Variants in FST observed in about 807,000 individuals in gnomAD.
The protein encoded by FST is follistatin, also known as activin-binding protein.
FST carries 6 observed loss-of-function variants against 38.4 expected under a neutral mutation model. The ratio of observed to expected loss-of-function variants is 0.16; its 90% CI spans 0.09 to 0.31. The LOEUF (loss-of-function observed/expected upper bound fraction) is 0.31, where lower values mean the gene tolerates loss of function less well. Among genes scored for constraint, FST ranks in the 10% least tolerant of loss-of-function variants. The probability of loss-of-function intolerance (pLI) is 1.00; values close to 1 mark genes in which losing one functional copy is unlikely to be tolerated. For synonymous variants in FST, 157 were observed against 169.8 expected (o/e 0.92, Z 0.59); for missense variants, 301 against 432.3 (o/e 0.70, Z 2.69).
intron 1 of FST, 33 bp from the exon 2 acceptor site, chr5:53,482,847 C>T: frequency 6.9e-7 from 1 of 1,450,038 alleles, no homozygotes; most frequent in Non-Finnish European, 9.5e-7. Context: ...TCACTGCTCA[C>T]TCACCCACCT....
At chr5:53,481,070 C>T (rs1747173191) in intron 1 of FST, among the ~76,000 whole-genome samples, 194 bp downstream of exon 1, 1 of 151,724 alleles carries the variant, frequency 6.6e-6, no homozygotes, top group Non-Finnish European at 1.5e-5. Context: ...GTTTGGAGCT[C>T]GGTTATCTTG....
At position 53,483,155 on chromosome 5, in the gene FST, G is replaced by T. The variant is rs191939910; in HGVS notation, c.277+84G>T. 3 of 916,856 alleles carry T rather than the reference G, an allele frequency of 3.3e-6. No homozygotes were observed. The highest frequency in any genetic ancestry group is 3.5e-6 in the Non-Finnish European group (2 of 575,682). 56.8% of individuals were successfully genotyped at this position (916,856 alleles called of 1,614,324 possible). A position where few individuals can be genotyped will look rare whatever the true frequency, so the allele number is the denominator to read the frequency against. On this transcript the variant is annotated intron_variant, in intron 2 of 5. Coordinates refer to ENST00000256759, the MANE Select transcript of FST (RefSeq NM_013409.3). The surrounding 1 kb of genome is among the most constrained non-coding windows in gnomAD (Gnocchi z 4.1). Reference sequence around the variant, plus strand: ...TCCCCACTACCTGACTGGGGTTTGGGAGTAGGAGAGCTTTGTTCCTGGGCT... The same window carrying T: ...TCCCCACTACCTGACTGGGGTTTGGTAGTAGGAGAGCTTTGTTCCTGGGCT...
rs1412817980 is a variant in FST at position 53,480,702 on chromosome 5, C to T, written c.-90C>T. ...GGATCGCTGCGCCCTCCGCCGCTGG[C>T]CTCTGCGACGCGCGCCGCTCGCCCG... is the stretch of plus-strand genomic sequence containing the variant. On this transcript the variant is annotated 5_prime_UTR_variant, in exon 1 of 6. Transcript: ENST00000256759. 8.6e-6 allele frequency: 2 copies of T among 231,388 alleles called. No homozygotes were observed. The highest frequency in any genetic ancestry group is 1.4e-5 in the Non-Finnish European group (2 of 139,066). The allele number at this position is 231,388 out of a possible 1,614,324, so 14.3% of individuals were successfully genotyped here.
At chr5:53,482,580 TCA>T (rs1469652240) in intron 1 of FST, 1 of 431,612 alleles carries the variant, frequency 2.3e-6, no homozygotes, top group African/African-American at 2.0e-5. Flanking sequence ...TGTGTCTGGG[TCA>T]CTGGTAACTG....
rs3083659 is a variant in FST at position 53,486,072 on chromosome 5, CAA to C, written c.*59_*60del. 0.053 allele frequency: 13,972 copies of C among 261,282 alleles called. 3 individuals are homozygous for C. The highest frequency in any genetic ancestry group is 0.1 in the East Asian group (1,424 of 13,624). 16.2% of individuals were successfully genotyped at this position (261,282 alleles called of 1,614,324 possible). ...GTTCAGTGTTGACATAGCCTTTGTG[CAA>C]AAAAAAAAAAAAAAAAAAAGAAAAA... is the stretch of plus-strand genomic sequence containing the variant. On this transcript the variant is annotated 3_prime_UTR_variant, in exon 6 of 6. Transcript: ENST00000256759.
chr5:53,481,488 C>CAAAAAAAAAAA (rs1747211810), intron 1 of FST, among the ~76,000 whole-genome samples: 26 of 48,176 alleles, frequency 5.4e-4, no homozygotes, highest in East Asian at 1.5e-3. Context: ...AAAAAAAAAG[C>CAAAAAAAAAAA]CAAATTATTA....
chr5:53,480,816 G>T lies in FST; in HGVS notation c.25G>T (p.Gly9Cys). ...GATGGTCCGCGCGAGGCACCAGCCG[G>T]GTGGGCTTTGCCTCCTGCTGCTGCT... MVRARHQP[G>C]GLCLLLLLLC... Residue 9 changes from glycine (G) to cysteine (C), a missense_variant, in exon 1 of 6, where the codon GGT becomes TGT. Coordinates refer to ENST00000256759, the MANE Select transcript of FST (RefSeq NM_013409.3). 4 of 1,525,364 alleles carry T rather than the reference G, an allele frequency of 2.6e-6. No individual in the cohort carries two copies. The highest frequency in any genetic ancestry group is 2.6e-6 in the Non-Finnish European group (3 of 1,134,132). 94.5% of individuals were successfully genotyped at this position (1,525,364 alleles called of 1,614,324 possible).
At chr5:53,484,359 T>C (rs1336418296) in intron 4 of FST, 66 bp downstream of exon 4, 1 of 1,534,238 alleles carries the variant, frequency 6.5e-7, no homozygotes, top group Admixed American at 2.0e-5. Context: ...AACTGTGGGG[T>C]TAACTAATAA....
chr5:53,482,263 C>T (rs1747269335), intron 1 of FST, among the ~76,000 whole-genome samples: 1 of 151,772 alleles, frequency 6.6e-6, no homozygotes, highest in African/African-American at 2.4e-5. Context: ...CTCTTTCTTT[C>T]TTCCTTTTTT....
At chr5:53,481,486 A>AAAAAAAAAAC (rs1747210196) in intron 1 of FST, among the ~76,000 whole-genome samples, 1 of 144,826 alleles carries the variant, frequency 6.9e-6, no homozygotes, top group Non-Finnish European at 1.5e-5. Context: ...AAAAAAAAAA[A>AAAAAAAAAAC]GCCAAATTAT....
intron 4 of FST, 149 bp downstream of exon 4, chr5:53,484,442 G>A (rs1747428093): frequency 1.3e-6 from 1 of 750,316 alleles, no homozygotes; most frequent in Non-Finnish European, 2.1e-6. Context: ...TGTGACCACA[G>A]TATTCCTCAT....
chr5:53,484,388 C>G, intron 4 of FST, 95 bp downstream of exon 4: 1 of 1,287,136 alleles, frequency 7.8e-7, no homozygotes, highest in Non-Finnish European at 1.1e-6. Flanking sequence ...CAAGGCGTCC[C>G]CAAACACCAT....
chr5:53,481,210 G>A (rs1179364715), intron 1 of FST, among the ~76,000 whole-genome samples: 2 of 151,490 alleles, frequency 1.3e-5, no homozygotes, highest in Non-Finnish European at 2.9e-5. Flanking sequence ...GTAGTAGCCT[G>A]GAGATTTCAG....
chr5:53,482,100 A>G (rs1234004549), intron 1 of FST, among the ~76,000 whole-genome samples: 1 of 152,164 alleles, frequency 6.6e-6, no homozygotes, highest in Non-Finnish European at 1.5e-5. Flanking sequence ...GGTCTGGCGG[A>G]TTGCAAAACG....
In FST at chr5:53,485,178, C is replaced by T. The variant is rs137974500; in HGVS notation, c.903C>T (p.Ala301=). ...YASECAMKEA[A]CSSGVLLEVK... is the part of the protein sequence containing the mutation. Reference sequence around the variant, plus strand: ...GCGAGTGTGCCATGAAGGAAGCTGCCTGCTCCTCAGGTGTGCTACTGGAAG... The same window carrying T: ...GCGAGTGTGCCATGAAGGAAGCTGCTTGCTCCTCAGGTGTGCTACTGGAAG... Residue 301 remains alanine, a synonymous_variant, in exon 5 of 6, where the codon GCC becomes GCT. Transcript: ENST00000256759. 2 of 1,612,874 alleles carry T rather than the reference C, an allele frequency of 1.2e-6. No individual in the cohort carries two copies. Among genetic ancestry groups the T allele is most frequent in the African/African-American group, 1.3e-5 (1 of 75,000 alleles).
Position 53,480,857 on chromosome 5 carries a change from G to A in FST, c.66G>A (p.Met22Ile). 1 of 1,532,990 alleles carries A rather than the reference G, an allele frequency of 6.5e-7. No homozygotes were observed. The highest frequency in any genetic ancestry group is 8.8e-7 in the Non-Finnish European group (1 of 1,136,834). 95.0% of individuals were successfully genotyped at this position (1,532,990 alleles called of 1,614,324 possible). A position where few individuals can be genotyped will look rare whatever the true frequency, so the allele number is the denominator to read the frequency against. The change falls in exon 1 of 6, where the codon ATG (methionine) becomes ATA (isoleucine). Residue 22 changes from methionine (M) to isoleucine (I), a missense_variant. By Grantham distance (10) the Met-to-Ile change is conservative. Coordinates refer to ENST00000256759, the MANE Select transcript of FST (RefSeq NM_013409.3). Reference protein sequence around the residue: ...CLLLLLLCQFMEDRSAQAGNC... With the variant: ...CLLLLLLCQFIEDRSAQAGNC... The stretch of plus-strand genomic sequence containing the variant: ...TGCTGCTGCTGCTCTGCCAGTTCAT[G>A]GAGGACCGCAGTGCCCAGGGTAAGC...
Position 53,483,440 on chromosome 5 carries a change from C to T in FST, c.278-64C>T. 7.5e-7 allele frequency: 1 copy of T among 1,329,942 alleles called. No homozygotes were observed. The highest frequency in any genetic ancestry group is 2.3e-5 in the East Asian group (1 of 43,016). 82.4% of individuals were successfully genotyped at this position (1,329,942 alleles called of 1,614,324 possible). A position where few individuals can be genotyped will look rare whatever the true frequency, so the allele number is the denominator to read the frequency against. On this transcript the variant is annotated intron_variant, in intron 2 of 5. Coordinates refer to ENST00000256759, the MANE Select transcript of FST (RefSeq NM_013409.3). This position sits in a 1 kb window ranked among gnomAD's most constrained non-coding sequence, Gnocchi z 4.1. Reference sequence around the variant, plus strand: ...CATGATTGCGCAAGGCACCCGAAGCCCTCCTGGCTGACCTGCAGACTGCCT... The same window carrying T: ...CATGATTGCGCAAGGCACCCGAAGCTCTCCTGGCTGACCTGCAGACTGCCT...
chr5:53,482,113 C>T (rs1747254322), intron 1 of FST, among the ~76,000 whole-genome samples: 1 of 152,222 alleles, frequency 6.6e-6, no homozygotes, highest in African/African-American at 2.4e-5. Flanking sequence ...GCAAAACGGG[C>T]CCGTCGGGCT....
At position 53,480,855 on chromosome 5, in the gene FST, A is replaced by T; in HGVS notation, c.64A>T (p.Met22Leu). 1 of 1,533,112 alleles carries T rather than the reference A, an allele frequency of 6.5e-7. No individual in the cohort carries two copies. The allele number at this position is 1,533,112 out of a possible 1,614,324, so 95.0% of individuals were successfully genotyped here. The change falls in exon 1 of 6, where the codon ATG becomes TTG. Residue 22 changes from methionine to leucine, a missense_variant. Transcript: ENST00000256759. ...CCTGCTGCTGCTGCTCTGCCAGTTC[A>T]TGGAGGACCGCAGTGCCCAGGGTAA... Reference protein sequence around the residue: ...CLLLLLLCQFMEDRSAQAGNC... With the variant: ...CLLLLLLCQFLEDRSAQAGNC...
Sources: allele counts gnomAD v4.1 joint callset (sites outside exome capture counted in the v4.1 genomes callset), GRCh38; gene constraint gnomAD v4.1.1; non-coding constraint Gnocchi (gnomAD v3.1); transcripts MANE v1.5; gene names NCBI Gene and HGNC (gene_info 2026-07-23, HGNC 2026-07-21).